KCNC2: variants seen among roughly 807,000 people sequenced by gnomAD.
KCNC2 encodes voltage-gated potassium channel KCNC2.
Under a neutral mutation model 44.5 loss-of-function variants are expected in KCNC2, and 21 were observed. The ratio of observed to expected loss-of-function variants is 0.47; its 90% CI spans 0.33 to 0.68. KCNC2 has a LOEUF of 0.68. Among genes scored for constraint, KCNC2 ranks in the 30% least tolerant of loss-of-function variants. KCNC2 has a pLI of 0.01. For missense variants in KCNC2, 589 were observed against 826.2 expected (o/e 0.71, Z 3.52); for synonymous variants, 391 against 339.1 (o/e 1.15, Z -1.68).
intron 2 of KCNC2, among the ~76,000 whole-genome samples, chr12:75,186,037 ACT>A (rs1892917738): frequency 1.4e-5 from 2 of 147,256 alleles, no homozygotes; most frequent in East Asian, 2.0e-4. Context: ...CAAGAGTGAA[ACT>A]CTGTCTCAAA....
At chr12:75,177,938 C>G (rs1345559983) in intron 2 of KCNC2, among the ~76,000 whole-genome samples, 1 of 151,930 alleles carries the variant, frequency 6.6e-6, no homozygotes, top group Non-Finnish European at 1.5e-5. Context: ...TAATAACAAT[C>G]TTCCTTACTT....
intron 2 of KCNC2, among the ~76,000 whole-genome samples, chr12:75,167,805 C>G (rs192309686): frequency 2.3e-4 from 35 of 151,094 alleles, no homozygotes; most frequent in African/African-American, 8.5e-4. Flanking sequence ...TCGTATAACC[C>G]CTATTTTATA....
chr12:75,137,457 C>T (rs1319198528), intron 2 of KCNC2, among the ~76,000 whole-genome samples: 21 of 152,060 alleles, frequency 1.4e-4, no homozygotes, highest in Admixed American at 1.4e-3. Context: ...GTCATATAAC[C>T]AAATTCTTCA....
chr12:75,205,462 C>T (rs2031608800), intron 2 of KCNC2, among the ~76,000 whole-genome samples: 1 of 152,052 alleles, frequency 6.6e-6, no homozygotes. Context: ...GTAGTAAATG[C>T]TTTTTAAACA....
intron 2 of KCNC2, among the ~76,000 whole-genome samples, chr12:75,120,284 T>C (rs1331610907): frequency 6.6e-6 from 1 of 152,340 alleles, no homozygotes; most frequent in Admixed American, 6.5e-5. Flanking sequence ...TGTTGCAGTA[T>C]AGACCACAGA....
At chr12:75,072,460 T>A (rs1189017090) in intron 2 of KCNC2, among the ~76,000 whole-genome samples, 1 of 152,170 alleles carries the variant, frequency 6.6e-6, no homozygotes, top group Non-Finnish European at 1.5e-5. Context: ...TAGAAATATG[T>A]CTCAGACCTT....
chr12:75,078,274 C>T (rs966995391), intron 2 of KCNC2, among the ~76,000 whole-genome samples: 5 of 152,120 alleles, frequency 3.3e-5, no homozygotes, highest in African/African-American at 1.2e-4. Flanking sequence ...AGGAGACCAG[C>T]CCCGGTGGGA....
intron 2 of KCNC2, among the ~76,000 whole-genome samples, chr12:75,063,686 C>T (rs1470026266): frequency 6.6e-6 from 1 of 152,054 alleles, no homozygotes; most frequent in African/African-American, 2.4e-5. Flanking sequence ...ATTCAATAAA[C>T]AGTTAATGAC....
chr12:75,134,073 C>T (rs541790023), intron 2 of KCNC2, among the ~76,000 whole-genome samples: 12 of 151,970 alleles, frequency 7.9e-5, no homozygotes, highest in Admixed American at 5.2e-4. Context: ...TGAAACAAAA[C>T]ATGTCACACA....
At chr12:75,088,412 CA>C (rs1885200581) in intron 2 of KCNC2, among the ~76,000 whole-genome samples, 1 of 152,056 alleles carries the variant, frequency 6.6e-6, no homozygotes, top group African/African-American at 2.4e-5. Context: ...CATAAAGTTA[CA>C]GTGAAAGTTA....
intron 2 of KCNC2, among the ~76,000 whole-genome samples, chr12:75,156,921 T>C (rs144977875): frequency 4.7e-3 from 713 of 151,996 alleles, no homozygotes; most frequent in Non-Finnish European, 8.1e-3. Context: ...GAGGGTAGCA[T>C]TGACATAACT....
chr12:75,052,682 T>G (rs1881308333), intron 2 of KCNC2, among the ~76,000 whole-genome samples: 1 of 152,106 alleles, frequency 6.6e-6, no homozygotes, highest in Admixed American at 6.6e-5. Flanking sequence ...AGCATGCCAT[T>G]GGGAAGAGCT....
At chr12:75,176,935 A>G (rs1055449399) in intron 2 of KCNC2, among the ~76,000 whole-genome samples, 1 of 151,566 alleles carries the variant, frequency 6.6e-6, no homozygotes, top group African/African-American at 2.4e-5. Context: ...GTAGTAAAAA[A>G]CAGAAATATA....
chr12:75,185,398 T>C (rs1005590060), intron 2 of KCNC2, among the ~76,000 whole-genome samples: 3 of 152,168 alleles, frequency 2.0e-5, no homozygotes, highest in African/African-American at 7.2e-5. Flanking sequence ...TGGAGCCTCA[T>C]AGGAAGTGTT....
At chr12:75,059,045 C>T (rs1882039763) in intron 2 of KCNC2, among the ~76,000 whole-genome samples, 1 of 152,062 alleles carries the variant, frequency 6.6e-6, no homozygotes, top group Non-Finnish European at 1.5e-5. Context: ...CTCCCTTCCT[C>T]CTGTGTCTGA....
chr12:75,197,779 C>G (rs1291533773), intron 2 of KCNC2, among the ~76,000 whole-genome samples: 1 of 151,762 alleles, frequency 6.6e-6, no homozygotes, highest in Non-Finnish European at 1.5e-5. Context: ...TCAGTGTGGA[C>G]AAAGTAGAGG....
In KCNC2 at chr12:75,041,271, TATA is replaced by T; in HGVS notation, c.*1831_*1833del. On this transcript the variant is annotated 3_prime_UTR_variant, in exon 5 of 5. Transcript: ENST00000549446. ...CTTTTACCATAAATTTGTGTGTAAT[TATA>T]ATGTTCTATGTGTGGTGTTATCAAA... The T allele has an allele frequency of 6.4e-7, 1 of 1,563,676 alleles. No homozygotes were observed.
intron 2 of KCNC2, among the ~76,000 whole-genome samples, chr12:75,121,489 A>G (rs1888041859): frequency 6.6e-6 from 1 of 152,224 alleles, no homozygotes; most frequent in South Asian, 2.1e-4. Context: ...TGAGCTAGGA[A>G]AATAAATATA....
intron 2 of KCNC2, among the ~76,000 whole-genome samples, chr12:75,110,562 A>T (rs1887150467): frequency 6.6e-6 from 1 of 152,216 alleles, no homozygotes; most frequent in East Asian, 1.9e-4. Context: ...AGGACCGGAG[A>T]TCTTGGAATA....
Sources: gnomAD v4.1 joint callset for allele counts (sites outside exome capture counted in the v4.1 genomes callset) on GRCh38, gnomAD v4.1.1 for gene constraint, MANE v1.5 for transcripts, NCBI Gene and HGNC (gene_info 2026-07-23, HGNC 2026-07-21) for gene names.